Variants in LRRC69 observed in about 807,000 individuals in gnomAD.
LRRC69 encodes leucine rich repeat containing 69.
A neutral mutation model predicts 37.8 loss-of-function variants in LRRC69; 42 were observed. The ratio of observed to expected loss-of-function variants is 1.11; its 90% confidence interval spans 0.87 to 1.44. The LOEUF is 1.44. Ranked by LOEUF, LRRC69 falls within the 40% of genes most tolerant of loss-of-function variation. The pLI is 0.00. For missense variants in LRRC69, 357 were observed against 401.9 expected, an observed-to-expected ratio of 0.89 and a Z score of 0.96; for synonymous variants, 141 against 143.1, an observed-to-expected ratio of 0.99 and a Z score of 0.11.
intron 5 of LRRC69, among the ~76,000 whole-genome samples, chr8:91,174,277 G>A (rs1386273274): frequency 6.6e-6 from 1 of 152,108 alleles, no homozygotes; most frequent in Non-Finnish European, 1.5e-5. Flanking sequence ...TATATGAAAA[G>A]CTAAAAAACA....
At chr8:91,126,076 A>T (rs1311301967) in intron 2 of LRRC69, among the ~76,000 whole-genome samples, 1 of 151,924 alleles carries the variant, frequency 6.6e-6, no homozygotes, top group Admixed American at 6.6e-5. Flanking sequence ...GACCTAAGTT[A>T]TGTTCTATGT....
At chr8:91,190,324 C>A (rs1165525859) in intron 6 of LRRC69, among the ~76,000 whole-genome samples, 2 of 149,592 alleles carry the variant, frequency 1.3e-5, no homozygotes, top group African/African-American at 4.9e-5. Flanking sequence ...TTGCAGAAAA[C>A]AATAACATAC....
intron 5 of LRRC69, among the ~76,000 whole-genome samples, chr8:91,146,840 A>G (rs1303706223): frequency 6.6e-6 from 1 of 151,774 alleles, no homozygotes; most frequent in East Asian, 1.9e-4. Flanking sequence ...GGGATATTTG[A>G]CAATGTCTGG....
At chr8:91,116,416 C>A (rs1015671372) in intron 1 of LRRC69, among the ~76,000 whole-genome samples, 1 of 151,914 alleles carries the variant, frequency 6.6e-6, no homozygotes, top group Non-Finnish European at 1.5e-5. Context: ...TTGCCTACTG[C>A]ACAATACAGA....
At chr8:91,194,368 A>G (rs1809556168) in intron 6 of LRRC69, among the ~76,000 whole-genome samples, 1 of 151,394 alleles carries the variant, frequency 6.6e-6, no homozygotes, top group African/African-American at 2.5e-5. Context: ...TCATAAAATG[A>G]GTTAGGGAGG....
chr8:91,152,346 T>C (rs966266708), intron 5 of LRRC69, among the ~76,000 whole-genome samples: 7 of 151,782 alleles, frequency 4.6e-5, no homozygotes, highest in Non-Finnish European at 8.8e-5. Context: ...TTTCCACATA[T>C]GGCTAGCCAG....
Position 91,158,246 on chromosome 8 carries a change from G to T in LRRC69, c.651+22507G>T, listed in dbSNP as rs976496778. 5 of 1,567,260 alleles carry T rather than the reference G, an allele frequency of 3.2e-6. No individual in the cohort carries two copies. The African/African-American group carries it at 5.4e-5, about 17-fold the overall frequency. On this transcript the variant is annotated intron_variant, in intron 5 of 7. Coordinates refer to ENST00000448384, the Ensembl canonical transcript of LRRC69. ...GGATCAAGTTAAGGATCTCTACAGT[G>T]GATTAATTGGCCCCCTGATTGTTTG...
At chr8:91,207,439 T>C (rs1057297027) in intron 7 of LRRC69, among the ~76,000 whole-genome samples, 5 of 152,218 alleles carry the variant, frequency 3.3e-5, no homozygotes, top group Non-Finnish European at 7.3e-5. Context: ...AGAGAATGAT[T>C]GCATTCTTGT....
intron 6 of LRRC69, among the ~76,000 whole-genome samples, chr8:91,191,742 G>C (rs1260496397): frequency 6.6e-6 from 1 of 152,170 alleles, no homozygotes; most frequent in Non-Finnish European, 1.5e-5. Context: ...GTCTTACAGA[G>C]AGCCTTCAAG....
chr8:91,200,698 G>A (rs758902072), exon 7 of LRRC69: 36 of 1,532,790 alleles, frequency 2.3e-5, no homozygotes, highest in Non-Finnish European at 3.2e-5. Flanking sequence ...CCACAAGTCA[G>A]GAGCATGATC....
intron 4 of LRRC69, among the ~76,000 whole-genome samples, 187 bp from the exon 5 acceptor site, chr8:91,135,481 A>T (rs73697113): frequency 0.038 from 5,824 of 152,126 alleles, 378 homozygotes; most frequent in African/African-American, 0.13. Flanking sequence ...GGAAATGAAG[A>T]ATTCAAAGAG....
intron 1 of LRRC69, among the ~76,000 whole-genome samples, chr8:91,117,818 G>A (rs1030194651): frequency 2.6e-5 from 4 of 151,772 alleles, no homozygotes; most frequent in Non-Finnish European, 5.9e-5. Flanking sequence ...TAACATATGT[G>A]CTATGAGAGC....
chr8:91,199,032 A>G (rs1451706150), intron 6 of LRRC69, among the ~76,000 whole-genome samples: 1 of 152,184 alleles, frequency 6.6e-6, no homozygotes, highest in Admixed American at 6.5e-5. Flanking sequence ...TAAATGGAAA[A>G]AGTGATCTAT....
intron 1 of LRRC69, among the ~76,000 whole-genome samples, chr8:91,106,760 T>C (rs1294267692): frequency 6.6e-6 from 1 of 151,924 alleles, no homozygotes; most frequent in African/African-American, 2.4e-5. Context: ...CTCTGAACAC[T>C]ACATGCATTG....
chr8:91,129,187 A>AT (rs994868838), intron 3 of LRRC69, among the ~76,000 whole-genome samples: 2 of 152,016 alleles, frequency 1.3e-5, no homozygotes, highest in Non-Finnish European at 2.9e-5. Flanking sequence ...AGAGGACAGC[A>AT]TGGGCATCCT....
intron 1 of LRRC69, among the ~76,000 whole-genome samples, chr8:91,120,488 A>G (rs1005369516): frequency 1.3e-5 from 2 of 152,080 alleles, no homozygotes; most frequent in Admixed American, 6.6e-5. Context: ...TCTCAGCCCA[A>G]TCCCTTCAGA....
At chr8:91,146,562 C>T (rs990825313) in intron 5 of LRRC69, among the ~76,000 whole-genome samples, 4 of 151,560 alleles carry the variant, frequency 2.6e-5, no homozygotes, top group Non-Finnish European at 5.9e-5. Context: ...TCCAAGTAAT[C>T]TCTATGGAGT....
At chr8:91,131,075 G>C (rs1321905062) in intron 3 of LRRC69, among the ~76,000 whole-genome samples, 1 of 151,964 alleles carries the variant, frequency 6.6e-6, no homozygotes, top group East Asian at 1.9e-4. Flanking sequence ...CCATAGCACT[G>C]TCATTTCTCC....
At chr8:91,186,580 A>C (rs1406027622) in intron 5 of LRRC69, among the ~76,000 whole-genome samples, 1 of 152,222 alleles carries the variant, frequency 6.6e-6, no homozygotes, top group Non-Finnish European at 1.5e-5. Flanking sequence ...CAAGTATGAC[A>C]TATGAGGGCT....
Sources: gnomAD v4.1 joint callset for allele counts (sites outside exome capture counted in the v4.1 genomes callset) on GRCh38, gnomAD v4.1.1 for gene constraint, MANE v1.5 for transcripts, NCBI Gene and HGNC (gene_info 2026-07-23, HGNC 2026-07-21) for gene names.